The following TSPAN18 variants were observed in gnomAD, a reference collection of about 807,000 sequenced individuals.
The protein encoded by TSPAN18 is tetraspanin 18, also known as tetraspanin-18.
A neutral mutation model predicts 27.3 loss-of-function variants in TSPAN18; 14 were observed. The ratio of observed to expected loss-of-function variants is 0.51; its 90% confidence interval spans 0.34 to 0.80. The LOEUF (loss-of-function observed/expected upper bound fraction) is 0.80. Ranked by LOEUF, TSPAN18 falls within the 30% of genes least tolerant of loss-of-function variation. The pLI is 0.01. For synonymous variants in TSPAN18, 143 were observed against 136.5 expected (o/e 1.05, Z -0.33); for missense variants, 268 against 323.9 (o/e 0.83, Z 1.32).
Position 44,842,047 on chromosome 11 carries a change from C to T in TSPAN18, c.-152-18281C>T, listed in dbSNP as rs188153847. Among the ~76,000 whole-genome samples, 748 of 152,302 alleles carry T rather than the reference C, an allele frequency of 4.9e-3. 9 individuals are homozygous for T. The highest frequency in any genetic ancestry group is 0.02 in the South Asian group (98 of 4,822). ...GAAACTGAGCCCCAGAGGTGGGAAACAGGTTGTTAGCGTCACATAACACAT... is the reference window on the plus strand; with the variant it reads ...GAAACTGAGCCCCAGAGGTGGGAAATAGGTTGTTAGCGTCACATAACACAT... On this transcript the variant is annotated intron_variant, in intron 2 of 9. Coordinates refer to ENST00000520358, the MANE Select transcript of TSPAN18 (RefSeq NM_130783.5).
intron 3 of TSPAN18, among the ~76,000 whole-genome samples, chr11:44,874,900 G>A (rs1858289179): frequency 6.6e-6 from 1 of 152,210 alleles, no homozygotes; most frequent in South Asian, 2.1e-4. Flanking sequence ...GAAGAGGAGG[G>A]ACGGAAACAG....
At chr11:44,878,513 G>A (rs1858402328) in intron 3 of TSPAN18, among the ~76,000 whole-genome samples, 1 of 152,172 alleles carries the variant, frequency 6.6e-6, no homozygotes, top group African/African-American at 2.4e-5. Flanking sequence ...TGTTGAGCCT[G>A]TGCCAGGAAA....
At chr11:44,734,329 G>A (rs1003718965) in intron 1 of TSPAN18, among the ~76,000 whole-genome samples, 38 of 152,314 alleles carry the variant, frequency 2.5e-4, no homozygotes, top group African/African-American at 8.2e-4. Context: ...GCTTTTCTGT[G>A]GATAGTAAGA....
At chr11:44,808,774 C>T (rs935596383) in intron 2 of TSPAN18, among the ~76,000 whole-genome samples, 2 of 152,182 alleles carry the variant, frequency 1.3e-5, no homozygotes, top group East Asian at 1.9e-4. Context: ...ATCTCGGTTC[C>T]GTCTCCCTCA....
chr11:44,801,358 G>C (rs1373800810), intron 2 of TSPAN18, among the ~76,000 whole-genome samples: 1 of 152,176 alleles, frequency 6.6e-6, no homozygotes, highest in African/African-American at 2.4e-5. Flanking sequence ...ACTCTAACGT[G>C]AGGTTCTTTT....
intron 1 of TSPAN18, among the ~76,000 whole-genome samples, chr11:44,758,070 A>G (rs1208697065): frequency 6.6e-6 from 1 of 152,226 alleles, no homozygotes; most frequent in African/African-American, 2.4e-5. Context: ...CTCTGGCTAG[A>G]ACTTCTAATA....
intron 2 of TSPAN18, among the ~76,000 whole-genome samples, chr11:44,813,253 G>A (rs1204014183): frequency 6.6e-6 from 1 of 152,220 alleles, no homozygotes; most frequent in African/African-American, 2.4e-5. Context: ...ACAGGCCACG[G>A]CATGAGGACA....
At chr11:44,903,915 A>G in intron 3 of TSPAN18, 1 of 456,220 alleles carries the variant, frequency 2.2e-6, no homozygotes, top group South Asian at 1.5e-5. Flanking sequence ...TAATAAGAGT[A>G]TTAATCTCAT....
At chr11:44,814,939 G>C (rs563775062) in intron 2 of TSPAN18, among the ~76,000 whole-genome samples, 1 of 152,354 alleles carries the variant, frequency 6.6e-6, no homozygotes, top group East Asian at 1.9e-4. Context: ...GTGTCCCTCT[G>C]ATGGGAGAAT....
intron 3 of TSPAN18, among the ~76,000 whole-genome samples, chr11:44,896,247 C>T (rs1257761236): frequency 6.6e-6 from 1 of 152,128 alleles, no homozygotes; most frequent in Non-Finnish European, 1.5e-5. Context: ...TGTGATCACA[C>T]AGGAAGAGAA....
chr11:44,791,016 GACTTCTCTCC>G (rs1334806905), intron 2 of TSPAN18, among the ~76,000 whole-genome samples: 2 of 152,178 alleles, frequency 1.3e-5, no homozygotes, highest in East Asian at 3.9e-4. Flanking sequence ...TCTATCCTGA[GACTTCTCTCC>G]AGACCCTCAA....
intron 2 of TSPAN18, among the ~76,000 whole-genome samples, chr11:44,808,591 G>A (rs572248930): frequency 6.6e-6 from 1 of 152,180 alleles, no homozygotes; most frequent in Non-Finnish European, 1.5e-5. Flanking sequence ...AGAGACCTTG[G>A]GGGAGGGAGG....
chr11:44,906,695 C>A (rs1859464895), intron 4 of TSPAN18, among the ~76,000 whole-genome samples: 1 of 152,190 alleles, frequency 6.6e-6, no homozygotes, highest in South Asian at 2.1e-4. Flanking sequence ...TTTACACAGG[C>A]CCTGGGGTGG....
At chr11:44,829,116 A>T (rs1002209789) in intron 2 of TSPAN18, among the ~76,000 whole-genome samples, 1 of 152,236 alleles carries the variant, frequency 6.6e-6, no homozygotes, top group Non-Finnish European at 1.5e-5. Context: ...CCAGGCACAC[A>T]CATGGTTTCC....
intron 2 of TSPAN18, among the ~76,000 whole-genome samples, chr11:44,801,423 C>T (rs1294455869): frequency 6.6e-6 from 1 of 152,146 alleles, no homozygotes; most frequent in Admixed American, 6.5e-5. Context: ...GTGTTTGCTT[C>T]ATTTATAGGT....
rs1857038072 is a variant in TSPAN18 at position 44,826,156 on chromosome 11, C to T, written c.-152-34172C>T. Among the ~76,000 whole-genome samples the T allele has an allele frequency of 3.9e-5, 6 of 152,362 alleles. No individual in the cohort carries two copies. In the South Asian group the frequency reaches 1.0e-3, roughly 26 times the overall value. On this transcript the variant is annotated intron_variant, in intron 2 of 9. Transcript: ENST00000520358. Reference sequence around the variant, plus strand: ...CTAAAAGAAGGGCCGGACGTGGTGGCTTACGCCTGTAATCCCAGCACTTTG... The same window carrying T: ...CTAAAAGAAGGGCCGGACGTGGTGGTTTACGCCTGTAATCCCAGCACTTTG...
intron 2 of TSPAN18, among the ~76,000 whole-genome samples, chr11:44,808,251 A>G (rs895371974): frequency 6.6e-6 from 1 of 152,214 alleles, no homozygotes; most frequent in Non-Finnish European, 1.5e-5. Flanking sequence ...CCAAGGTCAC[A>G]CAGCTAGAAG....
intron 2 of TSPAN18, among the ~76,000 whole-genome samples, chr11:44,777,884 G>T (rs541892991): frequency 1.3e-3 from 196 of 152,252 alleles, no homozygotes; most frequent in Non-Finnish European, 1.8e-3. Flanking sequence ...AGGGACTAGG[G>T]ATACCCAGGT....
chr11:44,791,945 TTGAGCACCTACAG>T (rs1200230274), intron 2 of TSPAN18, among the ~76,000 whole-genome samples: 5 of 152,180 alleles, frequency 3.3e-5, no homozygotes, highest in African/African-American at 1.2e-4. Context: ...AAAATACTTA[TTGAGCACCTACAG>T]TGGGCTGCAG....
Sources: gnomAD v4.1 joint callset for allele counts (sites outside exome capture counted in the v4.1 genomes callset) on GRCh38, gnomAD v4.1.1 for gene constraint, MANE v1.5 for transcripts, NCBI Gene and HGNC (gene_info 2026-07-23, HGNC 2026-07-21) for gene names.